Variants in CELA3A observed in about 807,000 individuals in gnomAD.
The protein encoded by CELA3A is chymotrypsin like elastase 3A, also known as chymotrypsin-like elastase family member 3A.
A neutral mutation model predicts 38.6 loss-of-function variants in CELA3A; 35 were observed. The ratio of observed to expected loss-of-function variants is 0.91; its 90% CI spans 0.69 to 1.20. The LOEUF (loss-of-function observed/expected upper bound fraction) is 1.20, where lower values mean the gene tolerates loss of function less well. CELA3A is among the 50% of genes most tolerant of loss of function. The pLI is 0.00. For synonymous variants in CELA3A, 143 were observed against 136.7 expected, an observed-to-expected ratio of 1.05 and a Z score of -0.32; for missense variants, 343 against 354.2, an observed-to-expected ratio of 0.97 and a Z score of 0.25.
intron 1 of CELA3A, among the ~76,000 whole-genome samples, chr1:22,002,062 C>T (rs1159231055): frequency 6.6e-6 from 1 of 151,164 alleles, no homozygotes; most frequent in Non-Finnish European, 1.5e-5. Context: ...CTCACTCCCC[C>T]TACCTGGCTC....
intron 7 of CELA3A, chr1:22,010,987 G>T (rs1179560304): frequency 6.6e-6 from 1 of 151,206 alleles, no homozygotes; most frequent in Non-Finnish European, 1.5e-5. Flanking sequence ...AAACAGTAGT[G>T]CTTGCTTTGG....
rs71514217 is a variant in CELA3A, at chr1:22,005,976, C to A, written c.362+180C>A. The A allele has an allele frequency of 3.9e-6, 4 of 1,035,524 alleles. 1 individual carries two copies. Among genetic ancestry groups the A allele is most frequent in the East Asian group, 5.2e-5 (2 of 38,188 alleles). 64.1% of individuals were successfully genotyped at this position (1,035,524 alleles called of 1,614,324 possible). On this transcript the variant is annotated intron_variant, in intron 4 of 7. Transcript: ENST00000290122. Reference sequence around the variant, plus strand: ...CCCACACACTGAGGATTGAAGCCAGCAGAGCCTTTAAGGACCATCACCACC... The same window carrying A: ...CCCACACACTGAGGATTGAAGCCAGAAGAGCCTTTAAGGACCATCACCACC...
At chr1:22,009,373 A>G (rs1259066065) in intron 6 of CELA3A, among the ~76,000 whole-genome samples, 5 of 150,598 alleles carry the variant, frequency 3.3e-5, no homozygotes, top group Non-Finnish European at 5.9e-5. Flanking sequence ...CTAATAAAAA[A>G]TAAATAAATA....
chr1:22,006,930 G>A lies in CELA3A; in HGVS notation c.415G>A (p.Val139Ile), dbSNP rs533686702. ...LSRSAQLGDA[V>I]QLASLPPAGD... is the part of the protein sequence containing the mutation. ...ACGCAGCGCCCAGCTGGGAGATGCC[G>A]TCCAGCTCGCCTCACTCCCTCCCGC... Residue 139 changes from valine to isoleucine, a missense_variant, in exon 5 of 8, where the codon GTC becomes ATC. Physicochemically the swap from Val to Ile is conservative, Grantham distance 29 (BLOSUM62 3). Coordinates refer to ENST00000290122, the MANE Select transcript of CELA3A (RefSeq NM_005747.5). The A allele has an allele frequency of 1.9e-5, 30 of 1,612,330 alleles. No homozygotes were observed. Among genetic ancestry groups the A allele is most frequent in the Admixed American group, 6.7e-5 (4 of 59,894 alleles).
Position 22,003,004 on chromosome 1 carries a change from C to A in CELA3A, c.45C>A (p.Ala15=). ...TGACAGCTCTCCTCTCCCCTCTAGC[C>A]TCAGGCTATGGCCCACCTTCCTCTC... ...LLSSLLLVAV[A]SGYGPPSSHS... Residue 15 remains alanine, a splice_region_variant and synonymous_variant, in exon 2 of 8, where the codon GCC becomes GCA. Transcript: ENST00000290122. The A allele has an allele frequency of 6.3e-7, 1 of 1,578,226 alleles. No homozygotes were observed. Among genetic ancestry groups the A allele is most frequent in the Non-Finnish European group, 8.6e-7 (1 of 1,167,136 alleles).
intron 2 of CELA3A, among the ~76,000 whole-genome samples, chr1:22,005,239 A>C (rs1644942406): frequency 6.6e-6 from 1 of 151,788 alleles, no homozygotes; most frequent in Non-Finnish European, 1.5e-5. Flanking sequence ...TTGGAGAATC[A>C]GAATGTGACC....
chr1:22,003,681 CA>C lies in CELA3A; in HGVS notation c.129+604del, dbSNP rs755292250. On this transcript the variant is annotated intron_variant, in intron 2 of 7. Coordinates refer to ENST00000290122, the MANE Select transcript of CELA3A (RefSeq NM_005747.5). ...CGGGCAACAGAGTGAGACTCTGTCT[CA>C]AAAAAAAAAATTAAATTAAATTATT... 3.4e-3 allele frequency among the ~76,000 whole-genome samples: 491 copies of C among 143,192 alleles called. 20 individuals carry two copies. The highest frequency in any genetic ancestry group is 0.011 in the African/African-American group (443 of 38,560). The allele number at this position is 143,192 out of a possible 152,430, so 93.9% of individuals were successfully genotyped here.
At chr1:22,006,813 C>A (rs867404337) in intron 4 of CELA3A, 65 bp from the exon 5 acceptor site, 10 of 1,578,774 alleles carry the variant, frequency 6.3e-6, no homozygotes, top group Non-Finnish European at 8.6e-6. Flanking sequence ...CCTGGAGCAA[C>A]GGCTAGAAGG....
intron 6 of CELA3A, among the ~76,000 whole-genome samples, chr1:22,008,992 C>G (rs1164607717): frequency 6.6e-6 from 1 of 151,750 alleles, no homozygotes; most frequent in African/African-American, 2.4e-5. Flanking sequence ...CACCTATAAT[C>G]CCTTTGGGAG....
chr1:22,011,837 G>A (rs1420300005), intron 7 of CELA3A, among the ~76,000 whole-genome samples: 1 of 125,106 alleles, frequency 8.0e-6, no homozygotes, highest in Non-Finnish European at 1.6e-5. Context: ...GGCAGATCAC[G>A]AGGTCAGGAG....
At chr1:22,005,121 G>A (rs1473041195) in intron 2 of CELA3A, among the ~76,000 whole-genome samples, 1 of 150,858 alleles carries the variant, frequency 6.6e-6, no homozygotes, top group African/African-American at 2.5e-5. Flanking sequence ...AAAACTCACA[G>A]GGCGAGGGGT....
At position 22,005,531 on chromosome 1, in the gene CELA3A, G is replaced by C; in HGVS notation, c.214G>C (p.Gly72Arg). 1 of 1,612,906 alleles carries C rather than the reference G, an allele frequency of 6.2e-7. No individual in the cohort carries two copies. The highest frequency in any genetic ancestry group is 1.1e-5 in the South Asian group (1 of 91,038). Residue 72 changes from glycine to arginine, a missense_variant, in exon 3 of 8, where the codon GGC becomes CGC. Physicochemically the swap from Gly to Arg is moderately radical, Grantham distance 125. Transcript: ENST00000290122. ...LIAPDWVVTA[G>R]HCISRDLTYQ... is the part of the protein sequence containing the mutation. ...CGCCCCCGATTGGGTTGTGACTGCC[G>C]GCCACTGCATCTCGTGAGTTCTCTA...
At position 22,009,785 on chromosome 1, in the gene CELA3A, C is replaced by T; in HGVS notation, c.723C>T (p.Ala241=). Residue 241 remains alanine (A), a synonymous_variant, in exon 7 of 8, where the codon GCC becomes GCT. Transcript: ENST00000290122. ...ACGGTGTGACCAGCTTTGTTTCTGC[C>T]TTTGGCTGCAACTTCATCTGGAAGC... is the stretch of plus-strand genomic sequence containing the variant. The part of the protein sequence containing the change: ...QVHGVTSFVS[A]FGCNFIWKPT... The T allele has an allele frequency of 1.2e-6, 2 of 1,612,080 alleles. No individual in the cohort carries two copies. Among genetic ancestry groups the T allele is most frequent in the Non-Finnish European group, 1.7e-6 (2 of 1,179,320 alleles).
chr1:22,002,145 A>G lies in CELA3A; in HGVS notation c.43+428A>G, dbSNP rs372754342. On this transcript the variant is annotated intron_variant, in intron 1 of 7. Coordinates refer to ENST00000290122, the MANE Select transcript of CELA3A (RefSeq NM_005747.5). ...TCCAGCTCAGGGCCACCTCTTCCAA[A>G]CAGCCTCCCTTGACTGACAATAATG... Among the ~76,000 whole-genome samples the G allele has an allele frequency of 7.6e-4, 115 of 150,886 alleles. 3 individuals carry two copies. Among genetic ancestry groups the G allele is most frequent in the African/African-American group, 2.3e-3 (94 of 40,698 alleles).
At chr1:22,009,023 T>C (rs2152819785) in intron 6 of CELA3A, among the ~76,000 whole-genome samples, 1 of 151,810 alleles carries the variant, frequency 6.6e-6, no homozygotes, top group South Asian at 2.1e-4. Flanking sequence ...GTGGATCACC[T>C]GAGGTCAGGA....
intron 7 of CELA3A, 99 bp from the exon 8 acceptor site, chr1:22,012,351 G>T: frequency 2.2e-6 from 3 of 1,365,852 alleles, no homozygotes; most frequent in Non-Finnish European, 3.0e-6. Flanking sequence ...CCCTCTCCCA[G>T]GGTCACACAG....
At chr1:22,008,750 C>T (rs1361017369) in intron 6 of CELA3A, among the ~76,000 whole-genome samples, 3 of 146,470 alleles carry the variant, frequency 2.0e-5, no homozygotes, top group Admixed American at 7.0e-5. Context: ...CAGAGCGAGA[C>T]GCTGACTCAG....
chr1:22,010,570 CATACCACTGCACTG>C (rs1644977356), intron 7 of CELA3A: 1 of 158,528 alleles, frequency 6.3e-6, no homozygotes, highest in African/African-American at 2.8e-5. Flanking sequence ...TAGTCGAGAT[CATACCACTGCACTG>C]CAGCCTGGGT....
intron 6 of CELA3A, among the ~76,000 whole-genome samples, chr1:22,009,075 A>T (rs1040203481): frequency 1.3e-5 from 2 of 151,444 alleles, no homozygotes; most frequent in African/African-American, 4.9e-5. Context: ...TCCCATCTCT[A>T]TTAAATATGG....
Sources: allele counts gnomAD v4.1 joint callset (sites outside exome capture counted in the v4.1 genomes callset), GRCh38; gene constraint gnomAD v4.1.1; transcripts MANE v1.5; gene names NCBI Gene and HGNC (gene_info 2026-07-23, HGNC 2026-07-21).